CCDC7: variants seen among roughly 807,000 people sequenced by gnomAD.
The protein encoded by CCDC7 is coiled-coil domain-containing protein 7.
A neutral mutation model predicts 196.9 loss-of-function variants in CCDC7; 183 were observed. The observed-to-expected ratio is 0.93, with a 90% CI of 0.82 to 1.05. CCDC7 has a LOEUF of 1.05. Among genes scored for constraint, CCDC7 ranks in the 50% least tolerant of loss-of-function variants. The probability of loss-of-function intolerance (pLI) is 0.00; values close to 1 mark genes in which losing one functional copy is unlikely to be tolerated. For synonymous variants in CCDC7, 525 were observed against 484.6 expected (o/e 1.08, Z -1.10); for missense variants, 1,540 against 1,482.2 (o/e 1.04, Z -0.64).
At chr10:32,778,872 C>T in intron 28 of CCDC7, 105 bp from the exon 30 acceptor site, 1 of 757,922 alleles carries the variant, frequency 1.3e-6, no homozygotes, top group Admixed American at 2.7e-5. Flanking sequence ...TTTTGCAGTT[C>T]TCGTTGTAGA....
intron 28 of CCDC7, among the ~76,000 whole-genome samples, chr10:32,761,476 G>A (rs888355295): frequency 7.2e-5 from 11 of 152,110 alleles, no homozygotes; most frequent in African/African-American, 2.6e-4. Context: ...AGTAATGAGT[G>A]TAATGAGATT....
intron 23 of CCDC7, among the ~76,000 whole-genome samples, chr10:32,693,932 G>T (rs1277117809): frequency 3.9e-5 from 6 of 151,902 alleles, no homozygotes; most frequent in African/African-American, 1.2e-4. Context: ...CCCTTAACTG[G>T]GATAAGTAGG....
At position 32,807,017 on chromosome 10, in the gene CCDC7, C is replaced by T. The variant is rs570186861; in HGVS notation, c.3097+1919C>T. On this transcript the variant is annotated intron_variant, in intron 30 of 41. Transcript: ENST00000639629. ...GACTGTTAACCAAAAATCTTATATC[C>T]AGCAAAACTATTTATTGAACATGAA... is the stretch of plus-strand genomic sequence containing the variant. Among the ~76,000 whole-genome samples, 83 of 152,220 alleles carry T rather than the reference C, an allele frequency of 5.5e-4. No homozygotes were observed. In the Middle Eastern group the frequency reaches 0.01, roughly 19 times the overall value.
chr10:32,493,975 C>T (rs976781301), intron 9 of CCDC7, among the ~76,000 whole-genome samples: 1 of 152,074 alleles, frequency 6.6e-6, no homozygotes, highest in Non-Finnish European at 1.5e-5. Flanking sequence ...ATATTTTCTC[C>T]CATTCCATAG....
chr10:32,501,837 G>C (rs2044098713), intron 9 of CCDC7, among the ~76,000 whole-genome samples: 1 of 152,216 alleles, frequency 6.6e-6, no homozygotes, highest in South Asian at 2.1e-4. Context: ...CACTTGAGAA[G>C]GCAGTCTGTC....
chr10:32,815,315 TATC>T (rs776124569), intron 31 of CCDC7, among the ~76,000 whole-genome samples: 110 of 152,176 alleles, frequency 7.2e-4, no homozygotes, highest in South Asian at 1.5e-3. Context: ...ATAATAATAA[TATC>T]ATCAAATAAT....
intron 13 of CCDC7, among the ~76,000 whole-genome samples, chr10:32,551,802 C>T (rs1207505803): frequency 6.6e-6 from 1 of 152,018 alleles, no homozygotes; most frequent in Non-Finnish European, 1.5e-5. Context: ...TATTGAGGCT[C>T]ATTTTATGGC....
intron 11 of CCDC7, among the ~76,000 whole-genome samples, chr10:32,534,583 TG>T (rs965854417): frequency 2.0e-5 from 3 of 152,116 alleles, no homozygotes; most frequent in Non-Finnish European, 4.4e-5. Context: ...GCTGCTTTTT[TG>T]GGGGTGCTCT....
intron 28 of CCDC7, among the ~76,000 whole-genome samples, chr10:32,772,769 G>A (rs1328442107): frequency 6.6e-6 from 1 of 152,210 alleles, no homozygotes; most frequent in Admixed American, 6.5e-5. Flanking sequence ...TGCACTGGGT[G>A]AGATTAGGGC....
intron 39 of CCDC7, among the ~76,000 whole-genome samples, chr10:32,850,744 A>AT (rs944689694): frequency 1.4e-4 from 21 of 151,334 alleles, no homozygotes; most frequent in African/African-American, 3.4e-4. Context: ...TGATTCAGAG[A>AT]TTTTTTTTGA....
chr10:32,642,765 G>C (rs542987887), intron 20 of CCDC7, among the ~76,000 whole-genome samples: 2 of 152,282 alleles, frequency 1.3e-5, no homozygotes, highest in South Asian at 2.1e-4. Flanking sequence ...GGGATCTGTA[G>C]ACTGGAGCTG....
chr10:32,632,527 G>A (rs1716019), intron 18 of CCDC7, among the ~76,000 whole-genome samples: 140,061 of 151,784 alleles, frequency 0.92, 65,619 homozygotes, highest in East Asian at 1. Context: ...AGCTTATAAG[G>A]TAGAAGTTTT....
chr10:32,671,381 G>A (rs1288954883), intron 21 of CCDC7, among the ~76,000 whole-genome samples: 2 of 152,098 alleles, frequency 1.3e-5, no homozygotes, highest in Non-Finnish European at 2.9e-5. Context: ...CAGCTTTATA[G>A]CATAGGAGCA....
chr10:32,789,096 CTTT>C (rs35122018), intron 29 of CCDC7, among the ~76,000 whole-genome samples: 1 of 124,722 alleles, frequency 8.0e-6, no homozygotes. Flanking sequence ...CGGTAAAGGG[CTTT>C]TTTTTTTTTT....
chr10:32,756,769 A>T (rs1251338985), intron 28 of CCDC7, among the ~76,000 whole-genome samples: 1 of 152,212 alleles, frequency 6.6e-6, no homozygotes, highest in Non-Finnish European at 1.5e-5. Flanking sequence ...CCTTAAATGT[A>T]AATGGGCTAA....
chr10:32,455,231 T>C (rs907863020), intron 2 of CCDC7, among the ~76,000 whole-genome samples: 4 of 152,004 alleles, frequency 2.6e-5, no homozygotes, highest in Non-Finnish European at 4.4e-5. Context: ...CCGTCTCCTA[T>C]ATGATTATAG....
At chr10:32,851,098 T>A (rs954206637) in intron 39 of CCDC7, among the ~76,000 whole-genome samples, 8 of 152,166 alleles carry the variant, frequency 5.3e-5, no homozygotes, top group Non-Finnish European at 8.8e-5. Flanking sequence ...CTTTGATCTT[T>A]ATTTTTTTTT....
At chr10:32,499,811 G>A (rs1015128895) in intron 9 of CCDC7, among the ~76,000 whole-genome samples, 1 of 151,722 alleles carries the variant, frequency 6.6e-6, no homozygotes, top group Non-Finnish European at 1.5e-5. Flanking sequence ...GACTCTTAAC[G>A]AGTATGCTGC....
At chr10:32,688,182 T>G (rs1038811243) in intron 22 of CCDC7, among the ~76,000 whole-genome samples, 1 of 152,180 alleles carries the variant, frequency 6.6e-6, no homozygotes, top group African/African-American at 2.4e-5. Context: ...CACACTATCT[T>G]AACACGCTTA....
Sources: gnomAD v4.1 joint callset for allele counts (sites outside exome capture counted in the v4.1 genomes callset) on GRCh38, gnomAD v4.1.1 for gene constraint, MANE v1.5 for transcripts, NCBI Gene and HGNC (gene_info 2026-07-23, HGNC 2026-07-21) for gene names.